Variants in DCP2 observed in about 807,000 individuals in gnomAD.
DCP2 encodes the protein m7GpppN-mRNA hydrolase.
Under a neutral mutation model 56.1 loss-of-function variants are expected in DCP2, and 30 were observed. The observed-to-expected ratio is 0.53, with a 90% CI of 0.40 to 0.73. The LOEUF is 0.73. Among genes scored for constraint, DCP2 ranks in the 30% least tolerant of loss-of-function variants. DCP2 has a pLI of 0.00. For synonymous variants in DCP2, 197 were observed against 163.3 expected (o/e 1.21, Z -1.57); for missense variants, 533 against 502.7 (o/e 1.06, Z -0.58).
In DCP2 at chr5:113,019,022, G is replaced by C. The variant is rs1750003511; in HGVS notation, c.*5538G>C. 1 of 152,188 alleles carries C rather than the reference G, an allele frequency of 6.6e-6. No homozygotes were observed. Among genetic ancestry groups the C allele is most frequent in the Admixed American group, 6.5e-5 (1 of 15,270 alleles). 9.4% of individuals were successfully genotyped at this position (152,188 alleles called of 1,614,324 possible). On this transcript the variant is annotated 3_prime_UTR_variant, in exon 11 of 11. Transcript: ENST00000389063. ...TCTAGAGTGAAATGGGCAGTGTTCT[G>C]CTGGTCCTCAGTCTTTGAGAGGTCT...
rs1749822184 is a variant in DCP2, at chr5:113,014,901, CA to C, written c.*1418del. ...TATTTAATTGGGTTCCACTGAACCT[CA>C]TGGGACTTTTAAAAGAAGGGCTATT... On this transcript the variant is annotated 3_prime_UTR_variant, in exon 11 of 11. Transcript: ENST00000389063. The C allele has an allele frequency of 6.6e-6, 1 of 152,608 alleles. No homozygotes were observed. The highest frequency in any genetic ancestry group is 2.1e-4 in the South Asian group (1 of 4,836). The allele number at this position is 152,608 out of a possible 1,614,324, so 9.5% of individuals were successfully genotyped here. A position where few individuals can be genotyped will look rare whatever the true frequency, so the allele number is the denominator to read the frequency against.
At chr5:112,992,900 ACT>A (rs1491553011) in intron 4 of DCP2, 130 bp downstream of exon 4, 13,689 of 429,784 alleles carry the variant, frequency 0.032, 12 homozygotes, top group East Asian at 0.071. Context: ...GAAGTAACTT[ACT>A]TTTTTTTTTT....
intron 2 of DCP2, among the ~76,000 whole-genome samples, chr5:112,986,783 A>T (rs1359772629): frequency 1.3e-5 from 2 of 152,178 alleles, no homozygotes. Flanking sequence ...GTGGATTGCC[A>T]GAACTCAGGA....
chr5:112,978,382 C>A (rs1221049990), intron 1 of DCP2, among the ~76,000 whole-genome samples: 1 of 152,120 alleles, frequency 6.6e-6, no homozygotes, highest in African/African-American at 2.4e-5. Flanking sequence ...TTTTCATCTG[C>A]GCAAACAGAT....
Position 113,014,474 on chromosome 5 carries a change from A to T in DCP2, c.*990A>T, listed in dbSNP as rs146032501. The T allele has an allele frequency of 6.6e-6, 1 of 152,564 alleles. No individual in the cohort carries two copies. The highest frequency in any genetic ancestry group is 2.1e-4 in the South Asian group (1 of 4,834). The allele number at this position is 152,564 out of a possible 1,614,324, so 9.5% of individuals were successfully genotyped here. A position where few individuals can be genotyped will look rare whatever the true frequency, so the allele number is the denominator to read the frequency against. On this transcript the variant is annotated 3_prime_UTR_variant, in exon 11 of 11. Coordinates refer to ENST00000389063, the MANE Select transcript of DCP2 (RefSeq NM_152624.6). ...GACCTGCTAAGCCCCTGGATGATGG[A>T]GCGAGAAGGGAAGGGGTATGCAGTT...
At chr5:112,978,017 G>A (rs1197089780) in intron 1 of DCP2, among the ~76,000 whole-genome samples, 1 of 151,564 alleles carries the variant, frequency 6.6e-6, no homozygotes, top group Non-Finnish European at 1.5e-5. Context: ...TCTTTCTTTT[G>A]CCCAGGCTGG....
intron 8 of DCP2, among the ~76,000 whole-genome samples, chr5:113,005,100 GC>G (rs1268406690): frequency 6.6e-6 from 1 of 151,140 alleles, no homozygotes; most frequent in African/African-American, 2.4e-5. Context: ...TTGCACTCCA[GC>G]CTGGGCAATA....
At chr5:113,010,954 A>C in intron 10 of DCP2, 147 bp downstream of exon 10, 3 of 792,928 alleles carry the variant, frequency 3.8e-6, no homozygotes, top group Non-Finnish European at 5.6e-6. Context: ...ATGTATGTAG[A>C]GTTCTCTAAG....
At position 113,021,537 on chromosome 5, in the gene DCP2, A is replaced by G. The variant is rs1394118915; in HGVS notation, c.*8053A>G. 6.6e-6 allele frequency among the ~76,000 whole-genome samples: 1 copy of G among 152,186 alleles called. No homozygotes were observed. Among genetic ancestry groups the G allele is most frequent in the African/African-American group, 2.4e-5 (1 of 41,448 alleles). On this transcript the variant is annotated 3_prime_UTR_variant, in exon 11 of 11. Coordinates refer to ENST00000389063, the MANE Select transcript of DCP2 (RefSeq NM_152624.6). ...TTCATTAGATATTTAAAATCCAGCA[A>G]TTCTTAAGTTTGTGCTAGAATCAGG...
At chr5:112,997,570 G>T (rs1748919153) in intron 4 of DCP2, among the ~76,000 whole-genome samples, 1 of 151,192 alleles carries the variant, frequency 6.6e-6, no homozygotes, top group Non-Finnish European at 1.5e-5. Flanking sequence ...CATTGTCTTT[G>T]TACACTGCTG....
intron 2 of DCP2, among the ~76,000 whole-genome samples, chr5:112,988,409 G>A (rs1040128161): frequency 6.7e-5 from 10 of 149,420 alleles, no homozygotes; most frequent in African/African-American, 9.9e-5. Flanking sequence ...GGAGAATGGT[G>A]TGAACCCGGG....
In DCP2 at chr5:113,010,820, C is replaced by T; in HGVS notation, c.1099+13C>T. 6.3e-7 allele frequency: 1 copy of T among 1,596,634 alleles called. No homozygotes were observed. Among genetic ancestry groups the T allele is most frequent in the Non-Finnish European group, 8.5e-7 (1 of 1,175,082 alleles). On this transcript the variant is annotated intron_variant, in intron 10 of 10. Coordinates refer to ENST00000389063, the MANE Select transcript of DCP2 (RefSeq NM_152624.6). Reference sequence around the variant, plus strand: ...AATTTTGAAACAGGCAAGTCATTTCCTATCTTTTTATAATCTCTGCCTTGT... The same window carrying T: ...AATTTTGAAACAGGCAAGTCATTTCTTATCTTTTTATAATCTCTGCCTTGT...
At chr5:112,992,816 C>G in intron 4 of DCP2, 46 bp downstream of exon 4, 1 of 1,454,710 alleles carries the variant, frequency 6.9e-7, no homozygotes, top group Non-Finnish European at 9.2e-7. Flanking sequence ...CTATTAGGGT[C>G]TGAATGTATT....
chr5:112,998,737 A>G (rs554498041), intron 4 of DCP2, among the ~76,000 whole-genome samples: 1 of 152,370 alleles, frequency 6.6e-6, no homozygotes, highest in African/African-American at 2.4e-5. Context: ...TACTTTCGAT[A>G]AATGTGTGTG....
Position 112,991,847 on chromosome 5 carries a change from T to C in DCP2, c.206-274T>C, listed in dbSNP as rs1748609297. Among the ~76,000 whole-genome samples, 3 of 152,324 alleles carry C rather than the reference T, an allele frequency of 2.0e-5. No individual in the cohort carries two copies. In the South Asian group the frequency reaches 6.2e-4, roughly 32 times the overall value. ...TCCAGGACTGTGAGTACTAAAAACT[T>C]GATTTGTGTGTAGGCTACAAATGAA... On this transcript the variant is annotated intron_variant, in intron 2 of 10. Transcript: ENST00000389063.
intron 9 of DCP2, among the ~76,000 whole-genome samples, chr5:113,010,132 A>G (rs897984830): frequency 1.3e-5 from 2 of 150,768 alleles, no homozygotes; most frequent in Admixed American, 1.3e-4. Context: ...TCCTTGGTTC[A>G]AGCAGTCCTC....
At chr5:112,978,934 C>T (rs559162527) in intron 1 of DCP2, among the ~76,000 whole-genome samples, 1 of 152,290 alleles carries the variant, frequency 6.6e-6, no homozygotes, top group South Asian at 2.1e-4. Context: ...ATTTTACAGA[C>T]ATCAGAGCTA....
At chr5:112,981,711 GT>G (rs552722651) in intron 1 of DCP2, among the ~76,000 whole-genome samples, 3 of 152,114 alleles carry the variant, frequency 2.0e-5, no homozygotes, top group African/African-American at 7.2e-5. Context: ...GTACCATTTA[GT>G]TTTTTCTTTG....
At position 113,001,079 on chromosome 5, in the gene DCP2, T is replaced by A. The variant is rs1430953365; in HGVS notation, c.433-5T>A. 6.3e-7 allele frequency: 1 copy of A among 1,591,330 alleles called. No individual in the cohort carries two copies. Among genetic ancestry groups the A allele is most frequent in the East Asian group, 2.2e-5 (1 of 44,528 alleles). ...GAAAATTTCATCCAAATTTGTTGTT[T>A]CCAGGTCTTTGAAGAAACTGGTTTT... On this transcript the variant is annotated splice_region_variant and splice_polypyrimidine_tract_variant and intron_variant, in intron 4 of 10. Coordinates refer to ENST00000389063, the MANE Select transcript of DCP2 (RefSeq NM_152624.6).
Sources: gnomAD v4.1 joint callset for allele counts (sites outside exome capture counted in the v4.1 genomes callset) on GRCh38, gnomAD v4.1.1 for gene constraint, MANE v1.5 for transcripts, NCBI Gene and HGNC (gene_info 2026-07-23, HGNC 2026-07-21) for gene names.